Variants in YJU2 observed in about 807,000 individuals in gnomAD.
YJU2 encodes YJU2 splicing factor homolog.
In YJU2, 28 loss-of-function variants were observed where a neutral mutation model predicts 39.6. The ratio of observed to expected loss-of-function variants is 0.71; its 90% CI spans 0.52 to 0.97. YJU2 has a LOEUF of 0.97. YJU2 is among the 50% of genes least tolerant of loss of function. YJU2 has a pLI of 0.00. For synonymous variants in YJU2, 184 were observed against 182.4 expected, an observed-to-expected ratio of 1.01 and a Z score of -0.07; for missense variants, 328 against 430.4, an observed-to-expected ratio of 0.76 and a Z score of 2.11.
intron 3 of YJU2, among the ~76,000 whole-genome samples, chr19:4,254,019 A>C (rs1970998863): frequency 6.6e-6 from 1 of 152,178 alleles, no homozygotes; most frequent in Non-Finnish European, 1.5e-5. Flanking sequence ...CATGTTGGCC[A>C]GGCTGGTCTT....
rs775213237 is a variant in YJU2, at chr19:4,254,317, G to A, written c.271-38G>A. The A allele has an allele frequency of 2.0e-6, 3 of 1,498,096 alleles. No individual in the cohort carries two copies. In the East Asian group the frequency reaches 6.8e-5, roughly 34 times the overall value. 92.8% of individuals were successfully genotyped at this position (1,498,096 alleles called of 1,614,324 possible). On this transcript the variant is annotated intron_variant, in intron 3 of 7. Coordinates refer to ENST00000262962, the MANE Select transcript of YJU2 (RefSeq NM_018074.6). Reference sequence around the variant, plus strand: ...GTACTTTAGAAGATTCTAGTGCCTGGGGATGTAGGAGCTGATGTCTGTCTA... The same window carrying A: ...GTACTTTAGAAGATTCTAGTGCCTGAGGATGTAGGAGCTGATGTCTGTCTA...
At chr19:4,261,713 C>T (rs1971071916) in intron 5 of YJU2, among the ~76,000 whole-genome samples, 1 of 151,782 alleles carries the variant, frequency 6.6e-6, no homozygotes, top group East Asian at 1.9e-4. Flanking sequence ...CCTGTGGACC[C>T]AGCTACTCAG....
At chr19:4,253,143 G>A (rs1237350254) in intron 3 of YJU2, among the ~76,000 whole-genome samples, 2 of 151,192 alleles carry the variant, frequency 1.3e-5, no homozygotes, top group African/African-American at 4.9e-5. Flanking sequence ...GAGGATTGCT[G>A]GGGACCAGAA....
chr19:4,263,540 G>T (rs1414885725), intron 6 of YJU2, among the ~76,000 whole-genome samples: 1 of 152,130 alleles, frequency 6.6e-6, no homozygotes, highest in Non-Finnish European at 1.5e-5. Context: ...GGGCACCGTG[G>T]CTCAAAGTGC....
chr19:4,267,878 C>A, intron 7 of YJU2, 104 bp downstream of exon 7: 3 of 1,041,966 alleles, frequency 2.9e-6, no homozygotes, highest in Non-Finnish European at 4.1e-6. Context: ...TGGGTGGGGG[C>A]GGCCTGCGAC....
intron 5 of YJU2, among the ~76,000 whole-genome samples, chr19:4,259,368 C>T (rs1050473762): frequency 6.6e-5 from 10 of 151,898 alleles, no homozygotes; most frequent in Admixed American, 4.6e-4. Flanking sequence ...CGTGAGCCAC[C>T]GCGCCCGGAC....
intron 7 of YJU2, 72 bp downstream of exon 7, chr19:4,267,846 C>A: frequency 7.0e-7 from 1 of 1,433,836 alleles, no homozygotes; most frequent in Non-Finnish European, 9.4e-7. Flanking sequence ...GCTCCCTTTG[C>A]AGTTACAGAG....
In YJU2 at chr19:4,267,741, A is replaced by C. The variant is rs1379006045; in HGVS notation, c.826A>C (p.Ser276Arg). The C allele has an allele frequency of 2.5e-6, 4 of 1,612,700 alleles. No homozygotes were observed. Among genetic ancestry groups the C allele is most frequent in the Non-Finnish European group, 8.5e-7 (1 of 1,179,784 alleles). Residue 276 changes from serine to arginine, a missense_variant, in exon 7 of 8, where the codon AGC becomes CGC. Ser to Arg is a moderately radical substitution (Grantham distance 110, BLOSUM62 -1). Coordinates refer to ENST00000262962, the MANE Select transcript of YJU2 (RefSeq NM_018074.6). Reference protein sequence around the residue: ...VKKAKADPDCSNGQPQAAPTP... With the variant: ...VKKAKADPDCRNGQPQAAPTP... ...GAAGGCAAAGGCCGACCCGGACTGC[A>C]GCAACGGGCAGCCTCAGGCGGCCCC... is the stretch of plus-strand genomic sequence containing the variant.
At position 4,258,331 on chromosome 19, in the gene YJU2, G is replaced by A. The variant is rs200311553; in HGVS notation, c.495G>A (p.Ala165=). ...QELKDLNQRQ[A]HVDFEAMLRQ... ...TGAAAGACCTGAACCAGCGGCAGGCGCACGTGGACTTCGAGGCTATGCTGA... is the reference window on the plus strand; with the variant it reads ...TGAAAGACCTGAACCAGCGGCAGGCACACGTGGACTTCGAGGCTATGCTGA... Residue 165 remains alanine (A), a synonymous_variant, in exon 5 of 8, where the codon GCG becomes GCA. Transcript: ENST00000262962. 2.0e-5 allele frequency: 32 copies of A among 1,583,360 alleles called. No individual in the cohort carries two copies. Among genetic ancestry groups the A allele is most frequent in the South Asian group, 1.3e-4 (11 of 86,452 alleles).
chr19:4,265,988 CT>C (rs1971112597), intron 6 of YJU2, among the ~76,000 whole-genome samples: 1 of 149,744 alleles, frequency 6.7e-6, no homozygotes, highest in African/African-American at 2.5e-5. Flanking sequence ...GCGTCTCGCC[CT>C]GTCACCCAGG....
chr19:4,268,885 C>T lies in YJU2; in HGVS notation c.*189C>T. ...CCAGGAGGTCCCTTCTCTGTGCCCT[C>T]ACCAGCCTCTCAACACCTCGGGGAC... On this transcript the variant is annotated 3_prime_UTR_variant, in exon 8 of 8. Transcript: ENST00000262962. 3 of 587,320 alleles carry T rather than the reference C, an allele frequency of 5.1e-6. No individual in the cohort carries two copies. The highest frequency in any genetic ancestry group is 4.5e-4 in the Middle Eastern group (1 of 2,204). The allele number at this position is 587,320 out of a possible 1,614,324, so 36.4% of individuals were successfully genotyped here. A position where few individuals can be genotyped will look rare whatever the true frequency, so the allele number is the denominator to read the frequency against.
At chr19:4,265,879 G>C (rs1325859781) in intron 6 of YJU2, among the ~76,000 whole-genome samples, 2 of 151,800 alleles carry the variant, frequency 1.3e-5, no homozygotes, top group Non-Finnish European at 2.9e-5. Context: ...GATTACAGGT[G>C]TGTGCCTCTG....
At chr19:4,249,694 T>C (rs2144687962) in intron 2 of YJU2, among the ~76,000 whole-genome samples, 1 of 150,922 alleles carries the variant, frequency 6.6e-6, no homozygotes, top group South Asian at 2.1e-4. Context: ...TCTCTCCCTC[T>C]ACTTTCTTTC....
intron 1 of YJU2, chr19:4,247,433 G>C (rs955534017): frequency 7.9e-6 from 3 of 377,802 alleles, no homozygotes; most frequent in East Asian, 8.1e-5. Flanking sequence ...ATCACCACCA[G>C]ATAGGGTTTT....
At chr19:4,264,469 G>C (rs543214176) in intron 6 of YJU2, among the ~76,000 whole-genome samples, 1 of 149,064 alleles carries the variant, frequency 6.7e-6, no homozygotes, top group Non-Finnish European at 1.5e-5. Context: ...CACCACGCCT[G>C]GCTAATTTTT....
At chr19:4,262,141 G>T (rs1599501732) in intron 6 of YJU2, 27 bp downstream of exon 6, 1 of 1,579,800 alleles carries the variant, frequency 6.3e-7, no homozygotes, top group Non-Finnish European at 8.6e-7. Context: ...AGTCCTGGGG[G>T]CTCCCAGGTG....
At chr19:4,247,575 GGTGGCGCGTGTGTGTGTGTGTGTGT>G (rs1970931694) in intron 1 of YJU2, among the ~76,000 whole-genome samples, 3 of 89,046 alleles carry the variant, frequency 3.4e-5, no homozygotes, top group African/African-American at 1.3e-4. Context: ...GGTGGGGTGG[GGTGGCGCGTGTGTGTGTGTGTGTGT>G]GTGTGTGTGT....
chr19:4,268,519 C>T, intron 7 of YJU2, 65 bp from the exon 8 acceptor site: 1 of 1,197,014 alleles, frequency 8.4e-7, no homozygotes, highest in Non-Finnish European at 1.2e-6. Flanking sequence ...GTGGCCGGCC[C>T]CGTGCCTTGT....
intron 5 of YJU2, among the ~76,000 whole-genome samples, chr19:4,260,512 G>A (rs1049013893): frequency 6.6e-6 from 1 of 152,036 alleles, no homozygotes; most frequent in Admixed American, 6.6e-5. Flanking sequence ...TGAAGTGGGC[G>A]TATCACCTGA....
Sources: allele counts gnomAD v4.1 joint callset (sites outside exome capture counted in the v4.1 genomes callset), GRCh38; gene constraint gnomAD v4.1.1; transcripts MANE v1.5; gene names NCBI Gene and HGNC (gene_info 2026-07-23, HGNC 2026-07-21).